Variants in CDH3 observed in about 807,000 individuals in gnomAD.
CDH3 encodes the protein cadherin-3.
In CDH3, 54 loss-of-function variants were observed where a neutral mutation model predicts 82.0. The ratio of observed to expected loss-of-function variants is 0.66; its 90% confidence interval spans 0.53 to 0.83. CDH3 has a LOEUF of 0.83. Ranked by LOEUF, CDH3 falls within the 40% of genes least tolerant of loss-of-function variation. CDH3 has a pLI of 0.00. For missense variants in CDH3, 1,054 were observed against 1,084.6 expected, an observed-to-expected ratio of 0.97 and a Z score of 0.40; for synonymous variants, 446 against 437.9, an observed-to-expected ratio of 1.02 and a Z score of -0.23.
intron 2 of CDH3, 69 bp downstream of exon 2, chr16:68,645,819 G>A (rs1231125894): frequency 1.7e-6 from 2 of 1,208,956 alleles, no homozygotes; most frequent in Non-Finnish European, 2.3e-6. Flanking sequence ...ACCGCGCGAG[G>A]GGTGTTCGGG....
exon 3 of CDH3, among the ~76,000 whole-genome samples, chr16:68,727,175 C>T (rs181760822): frequency 2.0e-5 from 3 of 152,248 alleles, no homozygotes; most frequent in Admixed American, 1.3e-4. Flanking sequence ...TGCCTTCTGC[C>T]CTTAAACATC....
Position 68,679,804 on chromosome 16 carries a change from T to A in CDH3, c.697T>A (p.Ser233Thr). ...TACTCATCCCTTCTCTCCAGGTACT[T>A]CTGTGATGCAGGTGACAGCCACGGA... ...SVLEGVLPGT[S>T]VMQVTATDED... is the part of the protein sequence containing the mutation. Residue 233 changes from serine (S) to threonine (T), a missense_variant, in exon 7 of 16, where the codon TCT becomes ACT. By Grantham distance (58) the Ser-to-Thr change is moderately conservative (BLOSUM62 1). Coordinates refer to ENST00000264012, the MANE Select transcript of CDH3 (RefSeq NM_001793.6). 1.9e-6 allele frequency: 3 copies of A among 1,611,506 alleles called. No homozygotes were observed. Among genetic ancestry groups the A allele is most frequent in the Non-Finnish European group, 2.5e-6 (3 of 1,178,034 alleles).
At position 68,695,723 on chromosome 16, in the gene CDH3, G is replaced by A. The variant is rs1021570729; in HGVS notation, c.2134-54G>A. On this transcript the variant is annotated intron_variant, in intron 14 of 15. Transcript: ENST00000264012. ...GGTGTGGGGTGAGATGTAAGTGGCA[G>A]GGGAGTGGGGGACAGGAGTCCTCAG... The A allele has an allele frequency of 4.3e-5, 68 of 1,599,966 alleles. 1 individual carries two copies. Among genetic ancestry groups the A allele is most frequent in the Non-Finnish European group, 5.3e-5 (62 of 1,168,164 alleles).
intron 12 of CDH3, among the ~76,000 whole-genome samples, chr16:68,690,441 C>T (rs983585574): frequency 1.1e-4 from 16 of 149,376 alleles, no homozygotes; most frequent in Non-Finnish European, 1.5e-4. Flanking sequence ...ACACAAAATC[C>T]ACCTCTGCTA....
intron 2 of CDH3, among the ~76,000 whole-genome samples, chr16:68,660,886 G>C (rs891626131): frequency 6.6e-6 from 1 of 151,698 alleles, no homozygotes; most frequent in African/African-American, 2.4e-5. Flanking sequence ...GTGAACCCGG[G>C]AGGCAGAGCT....
chr16:68,698,273 A>T lies in CDH3; in HGVS notation c.2363A>T (p.Asp788Val). The T allele has an allele frequency of 6.2e-7, 1 of 1,614,170 alleles. No individual in the cohort carries two copies. The highest frequency in any genetic ancestry group is 8.5e-7 in the Non-Finnish European group (1 of 1,180,024). ...TTCGACTATGAGGGCAGCGGCTCCG[A>T]CGCCGCGTCCCTGAGCTCCCTCACC... The part of the protein sequence containing the change: ...LVFDYEGSGS[D>V]AASLSSLTSS... The change falls in exon 16 of 16, where the codon GAC becomes GTC. Residue 788 changes from aspartate to valine, a missense_variant. By Grantham distance (152) the Asp-to-Val change is radical. Transcript: ENST00000264012.
chr16:68,676,176 C>T (rs201738787), intron 2 of CDH3, among the ~76,000 whole-genome samples: 5 of 152,282 alleles, frequency 3.3e-5, no homozygotes, highest in South Asian at 4.2e-4. Context: ...GACCACCAGG[C>T]GATCTTCCCT....
At chr16:68,733,183 T>C in the CDH3 span, among the ~76,000 whole-genome samples, 1 of 152,176 alleles carries the variant, frequency 6.6e-6, no homozygotes, top group Non-Finnish European at 1.5e-5. Context: ...GAGCCAGAAG[T>C]GAATCCAGGC....
At chr16:68,664,384 A>T (rs942672883) in intron 2 of CDH3, among the ~76,000 whole-genome samples, 1 of 152,116 alleles carries the variant, frequency 6.6e-6, no homozygotes, top group African/African-American at 2.4e-5. Context: ...ATACCAATTT[A>T]CCTTCTCATG....
At chr16:68,681,483 A>G (rs1188808489) in intron 8 of CDH3, among the ~76,000 whole-genome samples, 2 of 152,196 alleles carry the variant, frequency 1.3e-5, no homozygotes, top group African/African-American at 4.8e-5. Context: ...CAAGGTGCCA[A>G]TTACATCCTC....
intron 2 of CDH3, among the ~76,000 whole-genome samples, chr16:68,660,069 A>G (rs1349998353): frequency 6.6e-6 from 1 of 151,812 alleles, no homozygotes. Flanking sequence ...GTTAACATCA[A>G]AATTGTGAAG....
intron 2 of CDH3, among the ~76,000 whole-genome samples, chr16:68,659,525 A>ACCTCC: frequency 6.6e-6 from 1 of 151,770 alleles, no homozygotes. Flanking sequence ...CAGTGAGCCA[A>ACCTCC]GATCATACGA....
In CDH3 at chr16:68,678,276, A is replaced by G. The variant is rs1170317171; in HGVS notation, c.389A>G (p.Gln130Arg). ...GGTCCCTTCCCCCAGAGACTGAATCAGGTACGACTGTGCCTTCTCCTGGGA... is the reference window on the plus strand; with the variant it reads ...GGTCCCTTCCCCCAGAGACTGAATCGGGTACGACTGTGCCTTCTCCTGGGA... The part of the protein sequence containing the change: ...GKGPFPQRLN[Q>R]LKSNKDRDTK... The change falls in exon 4 of 16, where the codon CAG becomes CGG. Residue 130 changes from glutamine to arginine, a missense_variant and splice_region_variant. Transcript: ENST00000264012. The G allele has an allele frequency of 1.2e-6, 2 of 1,614,180 alleles. No individual in the cohort carries two copies. The highest frequency in any genetic ancestry group is 1.3e-5 in the African/African-American group (1 of 75,058).
intron 12 of CDH3, among the ~76,000 whole-genome samples, chr16:68,688,640 G>A (rs1348776634): frequency 1.6e-5 from 2 of 128,384 alleles, no homozygotes; most frequent in African/African-American, 5.9e-5. Flanking sequence ...TTTTGTTTTT[G>A]TTTTGAGACG....
At chr16:68,694,825 T>C (rs1961670545) in intron 13 of CDH3, among the ~76,000 whole-genome samples, 2 of 152,106 alleles carry the variant, frequency 1.3e-5, no homozygotes, top group South Asian at 4.1e-4. Context: ...TAAGGATCAG[T>C]ACCACCAATC....
chr16:68,698,446 A>G lies in CDH3; in HGVS notation c.*46A>G. 1 of 1,559,026 alleles carries G rather than the reference A, an allele frequency of 6.4e-7. No homozygotes were observed. The highest frequency in any genetic ancestry group is 8.8e-7 in the Non-Finnish European group (1 of 1,131,220). ...GGGACCAAACGTCAGGCCACAGAGCATCTCCAAGGGGTCTCAGTTCCCCCT... is the reference window on the plus strand; with the variant it reads ...GGGACCAAACGTCAGGCCACAGAGCGTCTCCAAGGGGTCTCAGTTCCCCCT... On this transcript the variant is annotated 3_prime_UTR_variant, in exon 16 of 16. Coordinates refer to ENST00000264012, the MANE Select transcript of CDH3 (RefSeq NM_001793.6).
chr16:68,687,122 T>G (rs1201702652), intron 11 of CDH3, among the ~76,000 whole-genome samples: 2 of 152,098 alleles, frequency 1.3e-5, no homozygotes, highest in African/African-American at 4.8e-5. Context: ...CCATAACAGA[T>G]GGGAGGTTAT....
At chr16:68,673,652 G>A (rs1446629569) in intron 2 of CDH3, among the ~76,000 whole-genome samples, 2 of 152,152 alleles carry the variant, frequency 1.3e-5, no homozygotes, top group Non-Finnish European at 2.9e-5. Context: ...GAGGCCGGGT[G>A]CAGTGGCTCA....
intron 2 of CDH3, among the ~76,000 whole-genome samples, chr16:68,665,529 C>T (rs1051870391): frequency 6.6e-6 from 1 of 152,178 alleles, no homozygotes; most frequent in African/African-American, 2.4e-5. Context: ...AAATGGCTTA[C>T]ATTTATTGAG....
Sources: allele counts gnomAD v4.1 joint callset (sites outside exome capture counted in the v4.1 genomes callset), GRCh38; gene constraint gnomAD v4.1.1; transcripts MANE v1.5; gene names NCBI Gene and HGNC (gene_info 2026-07-23, HGNC 2026-07-21).